Variants in ROR1 observed in about 807,000 individuals in gnomAD.
ROR1 encodes the protein ROR family WNT receptor 1.
ROR1 carries 19 observed loss-of-function variants against 78.8 expected under a neutral mutation model. That is an observed-to-expected ratio of 0.24 (90% CI 0.17 to 0.35). ROR1 has a LOEUF of 0.35. ROR1 is among the 10% of genes least tolerant of loss of function. The pLI is 1.00. For synonymous variants in ROR1, 386 were observed against 433.6 expected (o/e 0.89, Z 1.36); for missense variants, 917 against 1,177.8 (o/e 0.78, Z 3.24).
At chr1:64,143,716 G>T (rs1351730711) in intron 7 of ROR1, among the ~76,000 whole-genome samples, 1 of 152,198 alleles carries the variant, frequency 6.6e-6, no homozygotes, top group Non-Finnish European at 1.5e-5. Flanking sequence ...AGTAGGCATA[G>T]CACATCCACA....
intron 1 of ROR1, among the ~76,000 whole-genome samples, chr1:63,776,649 G>C (rs1343797091): frequency 6.6e-6 from 1 of 152,202 alleles, no homozygotes; most frequent in African/African-American, 2.4e-5. Context: ...GCCTGGTTTC[G>C]GGTCTGGTTC....
rs150937102 is a variant in ROR1, at chr1:63,785,463, C to T, written c.91+10955C>T. On this transcript the variant is annotated intron_variant, in intron 1 of 8. Coordinates refer to ENST00000371079, the MANE Select transcript of ROR1 (RefSeq NM_005012.4). ...TGTTGGAGACCAGTGGTGTGTAGAC[C>T]ACTGAAAACAAGCAGCAACTATATA... Among the ~76,000 whole-genome samples the T allele has an allele frequency of 2.6e-3, 389 of 151,508 alleles. 1 individual carries two copies. The highest frequency in any genetic ancestry group is 8.6e-3 in the African/African-American group (356 of 41,336).
chr1:63,920,082 G>A (rs1645642484), intron 1 of ROR1, among the ~76,000 whole-genome samples: 1 of 152,156 alleles, frequency 6.6e-6, no homozygotes, highest in Admixed American at 6.6e-5. Context: ...TTATCTGTTT[G>A]TAAAAATAGC....
In ROR1 at chr1:63,934,843, A is replaced by G. The variant is rs189707857; in HGVS notation, c.92-74462A>G. ...ATTGGCCTTTCAGACTGAGCCTGCC[A>G]TAGATTTTCTGAGGATTTAGATGAT... On this transcript the variant is annotated intron_variant, in intron 1 of 8. Transcript: ENST00000371079. Among the ~76,000 whole-genome samples the G allele has an allele frequency of 4.1e-3, 623 of 152,274 alleles. 1 individual carries two copies. Among genetic ancestry groups the G allele is most frequent in the Admixed American group, 6.2e-3 (95 of 15,296 alleles).
At chr1:63,969,266 A>G (rs1166483895) in intron 1 of ROR1, among the ~76,000 whole-genome samples, 1 of 152,158 alleles carries the variant, frequency 6.6e-6, no homozygotes, top group Non-Finnish European at 1.5e-5. Flanking sequence ...CAGACAAGAT[A>G]TTTCACTTCG....
intron 1 of ROR1, among the ~76,000 whole-genome samples, chr1:63,975,249 C>G (rs1265535878): frequency 6.6e-6 from 1 of 152,150 alleles, no homozygotes; most frequent in Non-Finnish European, 1.5e-5. Flanking sequence ...TCTCTTCAAG[C>G]TCAAAATATC....
At chr1:64,053,331 G>A (rs1646848656) in intron 4 of ROR1, among the ~76,000 whole-genome samples, 1 of 152,194 alleles carries the variant, frequency 6.6e-6, no homozygotes, top group Admixed American at 6.5e-5. Flanking sequence ...GGCTTGTAGG[G>A]ACCCTTGGGA....
At chr1:64,089,240 C>T (rs1212361764) in intron 4 of ROR1, among the ~76,000 whole-genome samples, 2 of 151,346 alleles carry the variant, frequency 1.3e-5, no homozygotes, top group Non-Finnish European at 2.9e-5. Flanking sequence ...GACATGGTCT[C>T]ACTCTGTGTC....
At chr1:63,790,568 A>G (rs1168165980) in intron 1 of ROR1, among the ~76,000 whole-genome samples, 1 of 152,182 alleles carries the variant, frequency 6.6e-6, no homozygotes, top group East Asian at 1.9e-4. Flanking sequence ...TTGGCAACCA[A>G]TTCAGATTCT....
chr1:64,160,836 C>CG (rs1265095872), intron 8 of ROR1, among the ~76,000 whole-genome samples: 2 of 152,080 alleles, frequency 1.3e-5, no homozygotes, highest in African/African-American at 4.8e-5. Flanking sequence ...GAACTCTGGG[C>CG]GGGGGAGAGA....
chr1:64,018,198 C>G (rs1246754686), intron 2 of ROR1, among the ~76,000 whole-genome samples: 1 of 152,092 alleles, frequency 6.6e-6, no homozygotes, highest in Admixed American at 6.6e-5. Context: ...TAAAGACTTG[C>G]TGGGACTTTC....
chr1:63,877,508 T>C (rs925205141), intron 1 of ROR1, among the ~76,000 whole-genome samples: 3 of 152,170 alleles, frequency 2.0e-5, no homozygotes, highest in African/African-American at 7.2e-5. Context: ...CTTTTTACTC[T>C]TCATTTGTAA....
rs548564075 is a variant in ROR1, at chr1:64,179,802, C to T, written c.*947C>T. The stretch of plus-strand genomic sequence containing the variant: ...GTGTGGCTACAGATGAGCACGCCCA[C>T]CCCTTGCAACTCCCTGTTTACAAGT... On this transcript the variant is annotated 3_prime_UTR_variant, in exon 9 of 9. Transcript: ENST00000371079. 7.9e-5 allele frequency: 12 copies of T among 152,256 alleles called. No individual in the cohort carries two copies. The South Asian group carries it at 2.1e-3, about 26-fold the overall frequency. The allele number at this position is 152,256 out of a possible 1,614,324, so 9.4% of individuals were successfully genotyped here. A position where few individuals can be genotyped will look rare whatever the true frequency, so the allele number is the denominator to read the frequency against.
At chr1:64,076,872 G>T (rs762127771) in intron 4 of ROR1, among the ~76,000 whole-genome samples, 6 of 151,944 alleles carry the variant, frequency 3.9e-5, no homozygotes, top group Non-Finnish European at 8.8e-5. Context: ...TATTAATAAT[G>T]GTAAGAGGAA....
chr1:63,787,472 TCCTTCCTTCCTGCCTTCCTG>T (rs900910830), intron 1 of ROR1, among the ~76,000 whole-genome samples: 56 of 142,456 alleles, frequency 3.9e-4, no homozygotes, highest in African/African-American at 1.5e-3. Flanking sequence ...CTTCCTTCCT[TCCTTCCTTCCTGCCTTCCTG>T]CCTTCCTGAC....
intron 1 of ROR1, among the ~76,000 whole-genome samples, chr1:63,952,102 G>C (rs1645944555): frequency 6.6e-6 from 1 of 152,154 alleles, no homozygotes; most frequent in Non-Finnish European, 1.5e-5. Flanking sequence ...GTCAAGGGGG[G>C]ATATAGGGTT....
intron 1 of ROR1, among the ~76,000 whole-genome samples, chr1:63,856,629 C>T (rs891942694): frequency 2.6e-5 from 4 of 152,182 alleles, no homozygotes; most frequent in Non-Finnish European, 4.4e-5. Flanking sequence ...TGAGTTCTCC[C>T]TTTCCTCCAG....
chr1:63,777,868 G>A (rs1025061291), intron 1 of ROR1, among the ~76,000 whole-genome samples: 6 of 152,218 alleles, frequency 3.9e-5, no homozygotes, highest in African/African-American at 1.4e-4. Flanking sequence ...TATATAGTAA[G>A]TGGTCCATAG....
intron 4 of ROR1, among the ~76,000 whole-genome samples, chr1:64,121,656 G>T (rs1648547681): frequency 6.6e-6 from 1 of 150,642 alleles, no homozygotes; most frequent in African/African-American, 2.4e-5. Flanking sequence ...TAACATAATT[G>T]GTCTCATTAT....
Sources: gnomAD v4.1 joint callset for allele counts (sites outside exome capture counted in the v4.1 genomes callset) on GRCh38, gnomAD v4.1.1 for gene constraint, MANE v1.5 for transcripts, NCBI Gene and HGNC (gene_info 2026-07-23, HGNC 2026-07-21) for gene names.